Variants in DCUN1D1 observed in about 807,000 individuals in gnomAD.
DCUN1D1 encodes defective in cullin neddylation 1 domain containing 1, also known as DCN1-like protein 1.
A neutral mutation model predicts 39.0 loss-of-function variants in DCUN1D1; 3 were observed. The ratio of observed to expected loss-of-function variants is 0.08; its 90% CI spans 0.04 to 0.20. The LOEUF (loss-of-function observed/expected upper bound fraction) is 0.20. DCUN1D1 is among the 10% of genes least tolerant of loss of function. DCUN1D1 has a pLI of 1.00. For missense variants in DCUN1D1, 158 were observed against 302.4 expected, an observed-to-expected ratio of 0.52 and a Z score of 3.54; for synonymous variants, 82 against 96.3, an observed-to-expected ratio of 0.85 and a Z score of 0.87.
intron 2 of DCUN1D1, among the ~76,000 whole-genome samples, chr3:182,965,228 A>C (rs775269899): frequency 1.3e-5 from 2 of 152,220 alleles, no homozygotes; most frequent in Non-Finnish European, 2.9e-5. Flanking sequence ...ATAATTCTTT[A>C]AAGATTCAGT....
upstream of DCUN1D1, among the ~76,000 whole-genome samples, chr3:182,982,562 A>G (rs757225302): frequency 4.6e-5 from 7 of 152,124 alleles, no homozygotes; most frequent in African/African-American, 7.2e-5. Context: ...CTTACTCCGC[A>G]TCTCACCAGT....
chr3:182,969,565 A>C (rs1441627699), intron 1 of DCUN1D1, among the ~76,000 whole-genome samples: 1 of 152,242 alleles, frequency 6.6e-6, no homozygotes, highest in Non-Finnish European at 1.5e-5. Context: ...CATTTATTTA[A>C]ATACTTATTT....
intron 1 of DCUN1D1, among the ~76,000 whole-genome samples, chr3:182,977,444 CT>C (rs1206988964): frequency 0.012 from 1,724 of 147,004 alleles, 31 homozygotes; most frequent in African/African-American, 0.037. Context: ...GTTTTGAACA[CT>C]TTTTTTTTTT....
chr3:182,961,231 C>T lies in DCUN1D1; in HGVS notation c.515G>A (p.Gly172Glu). The stretch of plus-strand genomic sequence containing the variant: ...TAATTTTTAAAAATTCTTACCTAAT[C>T]CTTTTTGTCCTGGATTCTTTGCAAA... The part of the protein sequence containing the change: ...FNFAKNPGQK[G>E]LDLEMAIAYW... Residue 172 changes from glycine (G) to glutamate (E), a missense_variant, in exon 4 of 7, where the codon GGA becomes GAA. Gly to Glu is a moderately conservative substitution (Grantham distance 98). Around this residue, in one of 4 missense-constraint regions of DCUN1D1, gnomAD observed 107 missense variants for 174.7 expected, o/e 0.61. Coordinates refer to ENST00000292782, the MANE Select transcript of DCUN1D1 (RefSeq NM_020640.4). The T allele has an allele frequency of 6.6e-7, 1 of 1,519,386 alleles. No homozygotes were observed. The highest frequency in any genetic ancestry group is 9.0e-7 in the Non-Finnish European group (1 of 1,114,602). 94.1% of individuals were successfully genotyped at this position (1,519,386 alleles called of 1,614,324 possible). A position where few individuals can be genotyped will look rare whatever the true frequency, so the allele number is the denominator to read the frequency against.
chr3:182,984,031 C>CT (rs1319833734), upstream of DCUN1D1, among the ~76,000 whole-genome samples: 3 of 152,222 alleles, frequency 2.0e-5, no homozygotes, highest in South Asian at 2.1e-4. Flanking sequence ...TTGCACAATT[C>CT]TTTGAGTTTT....
upstream of DCUN1D1, among the ~76,000 whole-genome samples, chr3:182,983,944 T>C (rs746386640): frequency 2.6e-5 from 4 of 152,222 alleles, no homozygotes; most frequent in South Asian, 2.1e-4. Context: ...GTTACACTTA[T>C]GACATTCATA....
chr3:182,974,619 T>C (rs1443321220), intron 1 of DCUN1D1, among the ~76,000 whole-genome samples: 1 of 152,138 alleles, frequency 6.6e-6, no homozygotes, highest in East Asian at 1.9e-4. Context: ...TGATATTTTC[T>C]CAAATCCTAA....
chr3:182,963,605 T>C (rs1727512621), intron 3 of DCUN1D1, among the ~76,000 whole-genome samples: 1 of 152,236 alleles, frequency 6.6e-6, no homozygotes, highest in East Asian at 1.9e-4. Context: ...TCATTTCACT[T>C]TTCCATAGTA....
intron 3 of DCUN1D1, 145 bp from the exon 4 acceptor site, chr3:182,961,501 T>C (rs1324116407): frequency 1.3e-6 from 1 of 777,598 alleles, no homozygotes; most frequent in African/African-American, 1.8e-5. Context: ...TTATATTACA[T>C]AAATATAAAC....
At chr3:182,954,283 A>G (rs61441223) in intron 4 of DCUN1D1, among the ~76,000 whole-genome samples, 1,607 of 152,346 alleles carry the variant, frequency 0.011, 29 homozygotes, top group African/African-American at 0.037. Context: ...AAAAGTTCAC[A>G]GAACTATTTT....
intron 4 of DCUN1D1, chr3:182,956,219 G>T: frequency 3.7e-6 from 1 of 271,798 alleles, no homozygotes; most frequent in Non-Finnish European, 7.5e-6. Context: ...GAGCCACCAT[G>T]CCCAGTTGAA....
In DCUN1D1 at chr3:182,943,780, G is replaced by C. The variant is rs2108617801; in HGVS notation, c.*1314C>G. ...GGAAATGACCATTTTCAGCATAAAA[G>C]CAGCTCATGGGGCTTGTAATGAAAA... On this transcript the variant is annotated 3_prime_UTR_variant, in exon 7 of 7. Coordinates refer to ENST00000292782, the MANE Select transcript of DCUN1D1 (RefSeq NM_020640.4). 1 of 152,676 alleles carries C rather than the reference G, an allele frequency of 6.5e-6. No homozygotes were observed. The highest frequency in any genetic ancestry group is 2.1e-4 in the South Asian group (1 of 4,824). The allele number at this position is 152,676 out of a possible 1,614,324, so 9.5% of individuals were successfully genotyped here.
At chr3:182,950,837 T>G (rs1726683474) in intron 4 of DCUN1D1, 1 of 151,516 alleles carries the variant, frequency 6.6e-6, no homozygotes, top group African/African-American at 2.4e-5. Context: ...AAACCCCATC[T>G]CTACTAAAAA....
upstream of DCUN1D1, chr3:182,980,646 GAGGCGGAGGGACGGAGGC>G (rs1246282513): frequency 1.6e-5 from 15 of 958,220 alleles, no homozygotes; most frequent in Non-Finnish European, 1.9e-5. Flanking sequence ...GGACCTCGGG[GAGGCGGAGGGACGGAGGC>G]AGGCGGAGGG....
At position 182,944,368 on chromosome 3, in the gene DCUN1D1, T is replaced by C. The variant is rs1196056738; in HGVS notation, c.*726A>G. 2 of 152,590 alleles carry C rather than the reference T, an allele frequency of 1.3e-5. No homozygotes were observed. The highest frequency in any genetic ancestry group is 3.8e-4 in the East Asian group (2 of 5,204). 9.5% of individuals were successfully genotyped at this position (152,590 alleles called of 1,614,324 possible). A position where few individuals can be genotyped will look rare whatever the true frequency, so the allele number is the denominator to read the frequency against. ...ACATTTTCTAAATAAAAGCTCCCTGTAGGACAGCTATATATAAACATGGGT... is the reference window on the plus strand; with the variant it reads ...ACATTTTCTAAATAAAAGCTCCCTGCAGGACAGCTATATATAAACATGGGT... On this transcript the variant is annotated 3_prime_UTR_variant, in exon 7 of 7. Coordinates refer to ENST00000292782, the MANE Select transcript of DCUN1D1 (RefSeq NM_020640.4).
At chr3:182,975,331 C>T (rs1728169801) in intron 1 of DCUN1D1, among the ~76,000 whole-genome samples, 1 of 151,978 alleles carries the variant, frequency 6.6e-6, no homozygotes, top group East Asian at 1.9e-4. Flanking sequence ...CGCCTGCTAC[C>T]ACATCCAGCT....
intron 4 of DCUN1D1, among the ~76,000 whole-genome samples, chr3:182,954,130 A>G (rs894155510): frequency 2.0e-5 from 3 of 152,244 alleles, no homozygotes; most frequent in Non-Finnish European, 2.9e-5. Context: ...CATATATAGT[A>G]TAAGTCTGTT....
At chr3:182,975,851 TA>T (rs533263687) in intron 1 of DCUN1D1, among the ~76,000 whole-genome samples, 936 of 66,780 alleles carry the variant, frequency 0.014, 4 homozygotes, top group East Asian at 0.019. Flanking sequence ...CCAGATATGC[TA>T]AAAAAAAAAA....
chr3:182,947,465 C>T, intron 5 of DCUN1D1, 85 bp downstream of exon 5: 3 of 1,083,208 alleles, frequency 2.8e-6, no homozygotes, highest in Non-Finnish European at 4.1e-6. Context: ...ATTTCTCATT[C>T]TATATCCAAT....
Sources: gnomAD v4.1 joint callset for allele counts (sites outside exome capture counted in the v4.1 genomes callset) on GRCh38, gnomAD v4.1.1 for gene constraint, gnomAD v4.1.1 regional missense constraint, MANE v1.5 for transcripts, NCBI Gene and HGNC (gene_info 2026-07-23, HGNC 2026-07-21) for gene names.